TYW3: variants seen among roughly 807,000 people sequenced by gnomAD.
The protein encoded by TYW3 is tRNA wybutosine-synthesizing protein 3 homolog.
TYW3 carries 26 observed loss-of-function variants against 23.1 expected under a neutral mutation model. The ratio of observed to expected loss-of-function variants is 1.13; its 90% CI spans 0.83 to 1.56. The LOEUF (loss-of-function observed/expected upper bound fraction) is 1.56, where lower values mean the gene tolerates loss of function less well. TYW3 is among the 40% of genes most tolerant of loss of function. TYW3 has a pLI of 0.00. For missense variants in TYW3, 316 were observed against 311.9 expected (o/e 1.01, Z -0.10); for synonymous variants, 102 against 105.7 (o/e 0.97, Z 0.21).
At chr1:74,760,747 CTAAA>C (rs1649112792) in intron 5 of TYW3, among the ~76,000 whole-genome samples, 1 of 152,218 alleles carries the variant, frequency 6.6e-6, no homozygotes, top group African/African-American at 2.4e-5. Flanking sequence ...TAGTTAAAAT[CTAAA>C]TACATATTAG....
At chr1:74,761,710 G>A (rs1649140955) in intron 5 of TYW3, 2 of 152,094 alleles carry the variant, frequency 1.3e-5, no homozygotes, top group East Asian at 3.9e-4. Context: ...CTAAGATGGT[G>A]ACAAGACCTA....
chr1:74,750,799 C>T (rs1339796761), intron 4 of TYW3, among the ~76,000 whole-genome samples: 3 of 103,198 alleles, frequency 2.9e-5, no homozygotes, highest in Non-Finnish European at 5.7e-5. Flanking sequence ...CTCCCCCGCT[C>T]CTTTTTTTTT....
At chr1:74,745,773 A>G (rs773464712) in intron 3 of TYW3, among the ~76,000 whole-genome samples, 2 of 152,160 alleles carry the variant, frequency 1.3e-5, no homozygotes, top group Non-Finnish European at 2.9e-5. Flanking sequence ...ACAGAAATTT[A>G]TTTTTCTCAC....
intron 3 of TYW3, among the ~76,000 whole-genome samples, chr1:74,747,109 G>A (rs1197739828): frequency 6.6e-6 from 1 of 152,182 alleles, no homozygotes; most frequent in Non-Finnish European, 1.5e-5. Flanking sequence ...GTTTGAAGGG[G>A]CAAGAGTGAA....
intron 5 of TYW3, among the ~76,000 whole-genome samples, chr1:74,763,001 T>C: frequency 6.6e-6 from 1 of 152,126 alleles, no homozygotes; most frequent in East Asian, 1.9e-4. Flanking sequence ...TTCAAATAGC[T>C]AATAAATGAG....
intron 3 of TYW3, among the ~76,000 whole-genome samples, chr1:74,739,166 A>C (rs767051986): frequency 2.6e-5 from 4 of 152,152 alleles, no homozygotes; most frequent in Non-Finnish European, 4.4e-5. Flanking sequence ...GCATGAGGTA[A>C]ACATCTGTTT....
chr1:74,755,501 C>T (rs1276043827), intron 5 of TYW3, among the ~76,000 whole-genome samples: 1 of 152,198 alleles, frequency 6.6e-6, no homozygotes, highest in Non-Finnish European at 1.5e-5. Flanking sequence ...TAACATGTAT[C>T]AGAATTTCAG....
Sources: allele counts gnomAD v4.1 joint callset (sites outside exome capture counted in the v4.1 genomes callset), GRCh38; gene constraint gnomAD v4.1.1; transcripts MANE v1.5; gene names NCBI Gene and HGNC (gene_info 2026-07-23, HGNC 2026-07-21).